Variants in BAZ2B observed in about 807,000 individuals in gnomAD.
The protein encoded by BAZ2B is bromodomain adjacent to zinc finger domain protein 2B.
BAZ2B carries 91 observed loss-of-function variants against 246.0 expected under a neutral mutation model. That is an observed-to-expected ratio of 0.37 (90% CI 0.31 to 0.44). BAZ2B has a LOEUF of 0.44. BAZ2B is among the 20% of genes least tolerant of loss of function. BAZ2B has a pLI of 1.00. For missense variants in BAZ2B, 2,332 were observed against 2,533.7 expected, an observed-to-expected ratio of 0.92 and a Z score of 1.71; for synonymous variants, 855 against 860.0, an observed-to-expected ratio of 0.99 and a Z score of 0.10.
At chr2:159,321,321 C>A (rs2062690016) in intron 36 of BAZ2B, among the ~76,000 whole-genome samples, 1 of 152,050 alleles carries the variant, frequency 6.6e-6, no homozygotes, top group African/African-American at 2.4e-5. Flanking sequence ...TAAATTAGTA[C>A]AACCACTATG....
intron 21 of BAZ2B, among the ~76,000 whole-genome samples, chr2:159,387,338 G>C (rs529801144): frequency 6.6e-6 from 1 of 152,084 alleles, no homozygotes; most frequent in Non-Finnish European, 1.5e-5. Flanking sequence ...TGCAGTACCA[G>C]TTGTCATCAA....
intron 2 of BAZ2B, among the ~76,000 whole-genome samples, chr2:159,507,976 T>G (rs184639287): frequency 6.6e-6 from 1 of 152,280 alleles, no homozygotes; most frequent in Admixed American, 6.5e-5. Context: ...GTTCAAGTGA[T>G]TCTTGTGCCT....
chr2:159,473,273 C>T (rs1227704929), intron 3 of BAZ2B, among the ~76,000 whole-genome samples: 2 of 152,224 alleles, frequency 1.3e-5, no homozygotes, highest in African/African-American at 2.4e-5. Flanking sequence ...TTCAGGGATT[C>T]GACCTCTTCC....
At chr2:159,406,900 G>A (rs1476982432) in intron 14 of BAZ2B, among the ~76,000 whole-genome samples, 1 of 151,730 alleles carries the variant, frequency 6.6e-6, no homozygotes, top group African/African-American at 2.4e-5. Context: ...GACTACAGGC[G>A]CCCGCCACCA....
the BAZ2B span, among the ~76,000 whole-genome samples, chr2:159,622,949 G>T: frequency 2.0e-5 from 3 of 148,730 alleles, no homozygotes; most frequent in East Asian, 5.8e-4. Context: ...TCCAGCCAGG[G>T]TGACAGAGTG....
At chr2:159,440,197 T>C (rs1177309214) in intron 6 of BAZ2B, among the ~76,000 whole-genome samples, 5 of 152,180 alleles carry the variant, frequency 3.3e-5, no homozygotes, top group South Asian at 2.1e-4. Flanking sequence ...AGGAGAAACA[T>C]TGAAATGATG....
chr2:159,412,056 T>A (rs965378445), intron 14 of BAZ2B: 1 of 738,062 alleles, frequency 1.4e-6, no homozygotes, highest in Non-Finnish European at 1.7e-6. Flanking sequence ...CAAGTGCTGG[T>A]TGATTCCCTT....
chr2:159,558,083 G>A (rs1391379151), intron 1 of BAZ2B, among the ~76,000 whole-genome samples: 4 of 151,978 alleles, frequency 2.6e-5, no homozygotes, highest in Non-Finnish European at 4.4e-5. Context: ...TAAGTATTAG[G>A]AACAAGGATA....
chr2:159,343,918 C>T (rs935282754), intron 31 of BAZ2B, among the ~76,000 whole-genome samples: 3 of 149,968 alleles, frequency 2.0e-5, no homozygotes, highest in East Asian at 2.0e-4. Context: ...CTCAGCTACT[C>T]GGGAGACTGA....
At chr2:159,529,066 A>G (rs1037208552) in intron 2 of BAZ2B, among the ~76,000 whole-genome samples, 9 of 152,110 alleles carry the variant, frequency 5.9e-5, no homozygotes, top group African/African-American at 2.2e-4. Flanking sequence ...TACATATGTA[A>G]CAAACCTGCA....
intron 9 of BAZ2B, among the ~76,000 whole-genome samples, chr2:159,431,888 T>C (rs2071187309): frequency 6.6e-6 from 1 of 152,182 alleles, no homozygotes; most frequent in Admixed American, 6.5e-5. Context: ...GTTTGTGTTA[T>C]ACCATTTGCC....
At chr2:159,655,385 C>T in the BAZ2B span, among the ~76,000 whole-genome samples, 18 of 152,142 alleles carry the variant, frequency 1.2e-4, no homozygotes, top group African/African-American at 3.6e-4. Context: ...GCCATTGTAT[C>T]GTCTTCTGGA....
chr2:159,564,130 A>G (rs1238486847), intron 1 of BAZ2B, among the ~76,000 whole-genome samples: 1 of 152,222 alleles, frequency 6.6e-6, no homozygotes, highest in Non-Finnish European at 1.5e-5. Context: ...AATGACAGCA[A>G]GGAGGTATCT....
the BAZ2B span, among the ~76,000 whole-genome samples, chr2:159,696,399 C>T: frequency 6.6e-6 from 1 of 152,040 alleles, no homozygotes; most frequent in Non-Finnish European, 1.5e-5. Context: ...CTATATTTTT[C>T]TTAACTGTTT....
chr2:159,581,838 C>T (rs1054319418), intron 1 of BAZ2B, among the ~76,000 whole-genome samples: 44 of 147,606 alleles, frequency 3.0e-4, no homozygotes, highest in Non-Finnish European at 4.3e-4. Context: ...AACCAAACAC[C>T]GCATGTTCTC....
At chr2:159,494,029 T>C (rs1218040797) in intron 2 of BAZ2B, among the ~76,000 whole-genome samples, 1 of 152,216 alleles carries the variant, frequency 6.6e-6, no homozygotes, top group Non-Finnish European at 1.5e-5. Flanking sequence ...TGCCCTTTTA[T>C]ACACTAAAGC....
At chr2:159,418,123 T>G (rs1350611580) in intron 13 of BAZ2B, among the ~76,000 whole-genome samples, 1 of 152,198 alleles carries the variant, frequency 6.6e-6, no homozygotes, top group African/African-American at 2.4e-5. Context: ...GCAATGATGT[T>G]TTCTTACTGA....
At chr2:159,703,442 A>T in the BAZ2B span, among the ~76,000 whole-genome samples, 1 of 152,194 alleles carries the variant, frequency 6.6e-6, no homozygotes, top group Non-Finnish European at 1.5e-5. Context: ...AGCTTAAAAA[A>T]TACCTTAATA....
the BAZ2B span, among the ~76,000 whole-genome samples, chr2:159,654,159 A>G: frequency 6.6e-5 from 10 of 152,186 alleles, no homozygotes; most frequent in Non-Finnish European, 1.2e-4. Context: ...ACATGTTGTA[A>G]TATATTGATC....
Sources: gnomAD v4.1 joint callset for allele counts (sites outside exome capture counted in the v4.1 genomes callset) on GRCh38, gnomAD v4.1.1 for gene constraint, MANE v1.5 for transcripts, NCBI Gene and HGNC (gene_info 2026-07-23, HGNC 2026-07-21) for gene names.